Variants in PLCG2 observed in about 807,000 individuals in gnomAD.
PLCG2 encodes the protein phospholipase C gamma 2, also known as 1-phosphatidylinositol 4,5-bisphosphate phosphodiesterase gamma-2.
PLCG2 carries 69 observed loss-of-function variants against 175.6 expected under a neutral mutation model. That is an observed-to-expected ratio of 0.39 (90% CI 0.32 to 0.48). The LOEUF (loss-of-function observed/expected upper bound fraction) is 0.48. Ranked by LOEUF, PLCG2 falls within the 20% of genes least tolerant of loss-of-function variation. The pLI is 0.91. For missense variants in PLCG2, 1,798 were observed against 1,650.9 expected (o/e 1.09, Z -1.54); for synonymous variants, 827 against 624.0 (o/e 1.33, Z -4.85).
chr16:81,871,012 A>AACATGTTCCTAAG, intron 7 of PLCG2, 77 bp downstream of exon 7: 1 of 762,068 alleles, frequency 1.3e-6, no homozygotes, highest in Non-Finnish European at 2.2e-6. Context: ...TGTTCCTAAG[A>AACATGTTCCTAAG]AACCCACAAG....
At chr16:81,946,763 C>A (rs142216358) in intron 31 of PLCG2, among the ~76,000 whole-genome samples, 1 of 152,154 alleles carries the variant, frequency 6.6e-6, no homozygotes, top group Admixed American at 6.5e-5. Flanking sequence ...TCCTCCTTTA[C>A]GCCAGAATTC....
In PLCG2 at chr16:81,828,235, ATTTTTTTTTTTTTTTT is replaced by A. The variant is rs67992648; in HGVS notation, c.194-26196_194-26181del. 5.1e-5 allele frequency among the ~76,000 whole-genome samples: 3 copies of A among 59,400 alleles called. 1 individual carries two copies. The highest frequency in any genetic ancestry group is 1.8e-3 in the South Asian group (2 of 1,124). 39.0% of individuals were successfully genotyped at this position (59,400 alleles called of 152,430 possible). ...CTGTTCCAGACTGTTGAGAAATGTC[ATTTTTTTTTTTTTTTT>A]TTTTTTTTTTTTGAGACAGAATCTT... On this transcript the variant is annotated intron_variant, in intron 2 of 32. Coordinates refer to ENST00000564138, the MANE Select transcript of PLCG2 (RefSeq NM_002661.5).
intron 2 of PLCG2, among the ~76,000 whole-genome samples, chr16:81,803,477 G>T (rs12933299): frequency 6.6e-6 from 1 of 151,546 alleles, no homozygotes; most frequent in Non-Finnish European, 1.5e-5. Flanking sequence ...GGACATTTAG[G>T]TAGTTCTCTC....
chr16:81,756,332 A>T (rs1909927201), intron 2 of PLCG2, among the ~76,000 whole-genome samples: 1 of 152,216 alleles, frequency 6.6e-6, no homozygotes, highest in South Asian at 2.1e-4. Flanking sequence ...CACTGAGTGC[A>T]TAGTATATGC....
intron 5 of PLCG2, among the ~76,000 whole-genome samples, chr16:81,860,172 A>ATTATTATTATTTTTT (rs763047744): frequency 6.3e-4 from 76 of 120,610 alleles, no homozygotes; most frequent in Non-Finnish European, 9.5e-4. Context: ...TATTATTATT[A>ATTATTATTATTTTTT]TTTTTTTTTT....
intron 1 of PLCG2, among the ~76,000 whole-genome samples, chr16:81,782,454 C>G (rs993825177): frequency 6.6e-6 from 1 of 152,004 alleles, no homozygotes; most frequent in African/African-American, 2.4e-5. Flanking sequence ...GTGGCTGGTG[C>G]TCTCTCCTGG....
intron 15 of PLCG2, among the ~76,000 whole-genome samples, 182 bp from the exon 16 acceptor site, chr16:81,907,503 G>GA (rs1909426375): frequency 6.6e-6 from 1 of 152,114 alleles, no homozygotes; most frequent in South Asian, 2.1e-4. Flanking sequence ...AAAATGCATC[G>GA]ATATTTTAAA....
At chr16:81,910,867 A>G (rs1909592901) in intron 18 of PLCG2, 147 bp downstream of exon 18, 1 of 713,400 alleles carries the variant, frequency 1.4e-6, no homozygotes, top group Admixed American at 2.2e-5. Context: ...CGAGGTGGCC[A>G]GTTTCCAAAT....
intron 1 of PLCG2, among the ~76,000 whole-genome samples, chr16:81,752,753 G>T (rs1909838208): frequency 6.6e-6 from 1 of 152,218 alleles, no homozygotes; most frequent in African/African-American, 2.4e-5. Flanking sequence ...AGGGCCCTCA[G>T]GGTGCCCAGG....
intron 2 of PLCG2, among the ~76,000 whole-genome samples, chr16:81,832,342 ATAT>A (rs1176467199): frequency 1.3e-5 from 2 of 152,338 alleles, no homozygotes; most frequent in East Asian, 3.9e-4. Flanking sequence ...GGTTAAGTGA[ATAT>A]TCCCTAATGC....
At chr16:81,832,454 A>T (rs1380411005) in intron 2 of PLCG2, among the ~76,000 whole-genome samples, 3 of 152,222 alleles carry the variant, frequency 2.0e-5, no homozygotes, top group African/African-American at 7.2e-5. Flanking sequence ...CAGTGGCATG[A>T]TCACGGCTCA....
At chr16:81,886,187 C>T (rs909930139) in intron 9 of PLCG2, among the ~76,000 whole-genome samples, 3 of 152,098 alleles carry the variant, frequency 2.0e-5, no homozygotes, top group Admixed American at 6.5e-5. Flanking sequence ...ATTTACCCCA[C>T]CTAGTGGTGG....
rs1180308392 is a variant in PLCG2, at chr16:81,938,790, T to C, written c.3199-11T>C. ...CCAGGGGGGTTCCAATGCTTCCCTT[T>C]GGTGTCCCAGGTTCTCGGTGCTCGC... On this transcript the variant is annotated splice_polypyrimidine_tract_variant and intron_variant, in intron 28 of 32. Transcript: ENST00000564138. 1.3e-6 allele frequency: 2 copies of C among 1,572,436 alleles called. No individual in the cohort carries two copies. The highest frequency in any genetic ancestry group is 1.7e-6 in the Non-Finnish European group (2 of 1,145,362).
intron 28 of PLCG2, 120 bp from the exon 29 acceptor site, chr16:81,938,681 A>G: frequency 1.6e-6 from 1 of 622,248 alleles, no homozygotes; most frequent in Non-Finnish European, 2.8e-6. Flanking sequence ...CAGTGAATCT[A>G]GGAAAATTAG....
intron 2 of PLCG2, among the ~76,000 whole-genome samples, chr16:81,766,396 A>G (rs1012903297): frequency 1.3e-5 from 2 of 152,064 alleles, no homozygotes; most frequent in Non-Finnish European, 2.9e-5. Flanking sequence ...CCTCAAAAGC[A>G]ATCAGGCCTC....
upstream of PLCG2, among the ~76,000 whole-genome samples, chr16:81,775,294 A>G (rs1032570319): frequency 4.6e-5 from 7 of 152,048 alleles, no homozygotes; most frequent in Admixed American, 4.6e-4. Context: ...GTCTCTGTAG[A>G]TTTGCTAATT....
chr16:81,916,324 G>GA (rs1308142646), intron 19 of PLCG2, among the ~76,000 whole-genome samples: 1 of 150,570 alleles, frequency 6.6e-6, no homozygotes. Flanking sequence ...TTTAAAAAAA[G>GA]AAAAAAATAA....
At chr16:81,877,945 G>A (rs978789648) in intron 7 of PLCG2, among the ~76,000 whole-genome samples, 1 of 136,000 alleles carries the variant, frequency 7.4e-6, no homozygotes, top group Non-Finnish European at 1.6e-5. Context: ...GTGCTTCTCT[G>A]TCTCCAAATC....
Position 81,958,273 on chromosome 16 carries a change from A to G in PLCG2, c.*275A>G. 1 of 451,250 alleles carries G rather than the reference A, an allele frequency of 2.2e-6. No individual in the cohort carries two copies. The highest frequency in any genetic ancestry group is 4.0e-6 in the Non-Finnish European group (1 of 250,404). The allele number at this position is 451,250 out of a possible 1,614,324, so 28.0% of individuals were successfully genotyped here. A position where few individuals can be genotyped will look rare whatever the true frequency, so the allele number is the denominator to read the frequency against. On this transcript the variant is annotated 3_prime_UTR_variant, in exon 33 of 33. Transcript: ENST00000564138. ...CCTCTCATGTTCCAAACCTCATTGA[A>G]TAAAAGCAATGAAAACCTTGATCAA...
Sources: gnomAD v4.1 joint callset for allele counts (sites outside exome capture counted in the v4.1 genomes callset) on GRCh38, gnomAD v4.1.1 for gene constraint, MANE v1.5 for transcripts, NCBI Gene and HGNC (gene_info 2026-07-23, HGNC 2026-07-21) for gene names.